DUSP8: variants seen among roughly 807,000 people sequenced by gnomAD.
DUSP8 encodes dual specificity protein phosphatase 8.
DUSP8 carries 15 observed loss-of-function variants against 38.7 expected under a neutral mutation model. That is an observed-to-expected ratio of 0.39 (90% CI 0.26 to 0.60). The LOEUF (loss-of-function observed/expected upper bound fraction) is 0.60, where lower values mean the gene tolerates loss of function less well. Among genes scored for constraint, DUSP8 ranks in the 20% least tolerant of loss-of-function variants. DUSP8 has a pLI of 0.56. For missense variants in DUSP8, 768 were observed against 915.0 expected (o/e 0.84, Z 2.07); for synonymous variants, 458 against 433.9 (o/e 1.06, Z -0.69).
In DUSP8 at chr11:1,558,903, CCTT is replaced by C; in HGVS notation, c.520_522del (p.Lys174del). 6.2e-7 allele frequency: 1 copy of C among 1,610,576 alleles called. No individual in the cohort carries two copies. Among genetic ancestry groups the C allele is most frequent in the South Asian group, 1.1e-5 (1 of 90,904 alleles). On this transcript the variant is annotated inframe_deletion, in exon 4 of 7. Coordinates refer to ENST00000397374, the MANE Select transcript of DUSP8 (RefSeq NM_004420.3). The surrounding 1 kb of genome is among the most constrained non-coding windows in gnomAD (Gnocchi z 6.3). ...TGCACACACACCTTGTTTAGGACGTCCTTCTGCGAGCCCAGGTAGAGGTGAGGC... is the reference window on the plus strand; with the variant it reads ...TGCACACACACCTTGTTTAGGACGTCCTGCGAGCCCAGGTAGAGGTGAGGC...
intron 1 of DUSP8, chr11:1,571,334 C>G (rs1328853616): frequency 6.6e-6 from 1 of 152,286 alleles, no homozygotes; most frequent in Admixed American, 6.5e-5. Context: ...GCCGGCTGGG[C>G]ACCCCGGGAT....
intron 3 of DUSP8, among the ~76,000 whole-genome samples, chr11:1,562,623 G>T (rs1007831400): frequency 6.6e-6 from 1 of 151,870 alleles, no homozygotes; most frequent in African/African-American, 2.4e-5. Flanking sequence ...GCACATATGC[G>T]CACACACAGG....
In DUSP8 at chr11:1,557,043, T is replaced by G; in HGVS notation, c.1353A>C (p.Pro451=). The G allele has an allele frequency of 1.8e-6, 2 of 1,113,782 alleles. No homozygotes were observed. Among genetic ancestry groups the G allele is most frequent in the Non-Finnish European group, 2.2e-6 (2 of 913,502 alleles). The allele number at this position is 1,113,782 out of a possible 1,614,324, so 69.0% of individuals were successfully genotyped here. The change falls in exon 7 of 7, where the codon CCA becomes CCC. Residue 451 remains proline, a synonymous_variant. Transcript: ENST00000397374. This position sits in a 1 kb window ranked among gnomAD's most constrained non-coding sequence, Gnocchi z 9.9. The stretch of plus-strand genomic sequence containing the variant: ...GGGGCCGGGGCCGCCGGCGGGGCCG[T>G]GGGCGCGCCTCAGGCGCGGCGTCCG... ...DSPDAAPEAR[P]RPRRRPRPPA... is the part of the protein sequence containing the mutation.
Position 1,565,591 on chromosome 11 carries a change from G to C in DUSP8, c.231+5C>G, listed in dbSNP as rs377462030. 2.9e-5 allele frequency: 46 copies of C among 1,595,942 alleles called. No homozygotes were observed. The African/African-American group carries it at 5.8e-4, about 20-fold the overall frequency. On this transcript the variant is annotated splice_donor_5th_base_variant and intron_variant, in intron 2 of 6. Transcript: ENST00000397374. ...TGCATGCCTGGTGGGCAGTGGGCTG[G>C]GTACCTGGCTGCGTGCAGCCGGCTG... is the stretch of plus-strand genomic sequence containing the variant.
Position 1,555,094 on chromosome 11 carries a change from C to CT in DUSP8, c.*1423dup, listed in dbSNP as rs1848601555. On this transcript the variant is annotated 3_prime_UTR_variant, in exon 7 of 7. Transcript: ENST00000397374. The stretch of plus-strand genomic sequence containing the variant: ...GCCTCTCCGGCCAAGCCCCTGGCCT[C>CT]TTCCCACAGTGACTGGCCCCACTCC... 1.0e-6 allele frequency: 1 copy of CT among 987,220 alleles called. No homozygotes were observed. The highest frequency in any genetic ancestry group is 4.7e-5 in the South Asian group (1 of 21,350). The allele number at this position is 987,220 out of a possible 1,614,324, so 61.2% of individuals were successfully genotyped here. A position where few individuals can be genotyped will look rare whatever the true frequency, so the allele number is the denominator to read the frequency against.
Position 1,557,025 on chromosome 11 carries a change from G to A in DUSP8, c.1371C>T (p.Pro457=). 1 of 1,047,064 alleles carries A rather than the reference G, an allele frequency of 9.6e-7. No individual in the cohort carries two copies. Among genetic ancestry groups the A allele is most frequent in the Non-Finnish European group, 1.1e-6 (1 of 872,008 alleles). The allele number at this position is 1,047,064 out of a possible 1,614,324, so 64.9% of individuals were successfully genotyped here. The change falls in exon 7 of 7, where the codon CCC becomes CCT. Residue 457 remains proline, a synonymous_variant. Transcript: ENST00000397374. This position sits in a 1 kb window ranked among gnomAD's most constrained non-coding sequence, Gnocchi z 9.9. ...GCGCGGGGGAGCCGGCGGGGGGCCG[G>A]GGCCGCCGGCGGGGCCGTGGGCGCG... ...PEARPRPRRR[P]RPPAGSPARS... is the part of the protein sequence containing the mutation.
At chr11:1,563,084 A>C (rs1848747365) in intron 3 of DUSP8, among the ~76,000 whole-genome samples, 1 of 152,004 alleles carries the variant, frequency 6.6e-6, no homozygotes, top group African/African-American at 2.4e-5. Context: ...CCTGCACCCC[A>C]CAGTCCCCCA....
At chr11:1,568,602 TG>T (rs1190093931) in intron 1 of DUSP8, among the ~76,000 whole-genome samples, 1 of 151,956 alleles carries the variant, frequency 6.6e-6, no homozygotes, top group African/African-American at 2.4e-5. Context: ...CTCTGCAGAG[TG>T]GGCACGCGCC....
intron 3 of DUSP8, among the ~76,000 whole-genome samples, chr11:1,560,193 G>A (rs1381612794): frequency 6.6e-6 from 1 of 152,190 alleles, no homozygotes; most frequent in East Asian, 1.9e-4. Flanking sequence ...AGAGCCTGAG[G>A]CAGCTGGGCT....
Position 1,554,553 on chromosome 11 carries a change from G to T in DUSP8, c.*1965C>A, listed in dbSNP as rs1446653033. ...CCCCCTGCTGGCTGCTCACTTTGCG[G>T]TAACCAGTGCCTCAAGAGTGGGAGC... On this transcript the variant is annotated 3_prime_UTR_variant, in exon 7 of 7. Coordinates refer to ENST00000397374, the MANE Select transcript of DUSP8 (RefSeq NM_004420.3). 4 of 778,086 alleles carry T rather than the reference G, an allele frequency of 5.1e-6. No individual in the cohort carries two copies. In the African/African-American group the frequency reaches 5.6e-5, roughly 11 times the overall value. The allele number at this position is 778,086 out of a possible 1,614,324, so 48.2% of individuals were successfully genotyped here.
intron 1 of DUSP8, among the ~76,000 whole-genome samples, chr11:1,570,518 G>A (rs1848871621): frequency 6.6e-6 from 1 of 152,176 alleles, no homozygotes; most frequent in Non-Finnish European, 1.5e-5. Context: ...GAAGAGAAGG[G>A]TCCTGGAGCA....
intron 2 of DUSP8, 91 bp from the exon 3 acceptor site, chr11:1,564,080 G>A: frequency 7.4e-7 from 1 of 1,343,998 alleles, no homozygotes; most frequent in Non-Finnish European, 9.6e-7. Flanking sequence ...GGAATAGTAA[G>A]GGCATCAGAT....
Position 1,557,268 on chromosome 11 carries a change from G to T in DUSP8, c.1128C>A (p.Gly376=). Residue 376 remains glycine, a synonymous_variant, in exon 7 of 7, where the codon GGC becomes GGA. Transcript: ENST00000397374. This position sits in a 1 kb window ranked among gnomAD's most constrained non-coding sequence, Gnocchi z 9.9. ...GCAGGCGGTCCGAGGAGAGGTGCAG[G>T]CCGCGCAGGCCCTGCTGCAGTGCGC... ...ATSALQQGLR[G]LHLSSDRLQD... 1 of 1,487,502 alleles carries T rather than the reference G, an allele frequency of 6.7e-7. No individual in the cohort carries two copies. 92.1% of individuals were successfully genotyped at this position (1,487,502 alleles called of 1,614,324 possible).
At position 1,557,319 on chromosome 11, in the gene DUSP8, G is replaced by C. The variant is rs949214990; in HGVS notation, c.1077C>G (p.Pro359=). 1 of 1,494,278 alleles carries C rather than the reference G, an allele frequency of 6.7e-7. No homozygotes were observed. Among genetic ancestry groups the C allele is most frequent in the Non-Finnish European group, 8.8e-7 (1 of 1,133,502 alleles). 92.6% of individuals were successfully genotyped at this position (1,494,278 alleles called of 1,614,324 possible). A position where few individuals can be genotyped will look rare whatever the true frequency, so the allele number is the denominator to read the frequency against. The change falls in exon 7 of 7, where the codon CCC becomes CCG. Residue 359 remains proline, a synonymous_variant. Transcript: ENST00000397374. The surrounding 1 kb of genome is among the most constrained non-coding windows in gnomAD (Gnocchi z 9.9). The part of the protein sequence containing the change: ...EGGLSAGGEP[P]APPTPPATSA... Reference sequence around the variant, plus strand: ...TGGTCGCCGGGGGCGTGGGGGGCGCGGGGGGCTCCCCGCCCGCGCTCAGGC... The same window carrying C: ...TGGTCGCCGGGGGCGTGGGGGGCGCCGGGGGCTCCCCGCCCGCGCTCAGGC...
Position 1,570,545 on chromosome 11 carries a change from G to A in DUSP8, c.-109+1356C>T, listed in dbSNP as rs542553435. Among the ~76,000 whole-genome samples the A allele has an allele frequency of 1.4e-4, 22 of 152,266 alleles. No individual in the cohort carries two copies. In the South Asian group the frequency reaches 1.9e-3, roughly 13 times the overall value. On this transcript the variant is annotated intron_variant, in intron 1 of 6. Transcript: ENST00000397374. ...CCTGGAGCAGAGACTGACTCTAAGC[G>A]TCTTTCTGCACCTCTGTTAATGGGA...
In DUSP8 at chr11:1,555,456, G is replaced by C. The variant is rs1465348688; in HGVS notation, c.*1062C>G. On this transcript the variant is annotated 3_prime_UTR_variant, in exon 7 of 7. Transcript: ENST00000397374. ...CCCCTCAGCCTGCAGGTGCACACCTGAATTCCAAGTTCTGCCTGGGGCATG... is the reference window on the plus strand; with the variant it reads ...CCCCTCAGCCTGCAGGTGCACACCTCAATTCCAAGTTCTGCCTGGGGCATG... 2 of 983,734 alleles carry C rather than the reference G, an allele frequency of 2.0e-6. No homozygotes were observed. Among genetic ancestry groups the C allele is most frequent in the Non-Finnish European group, 2.4e-6 (2 of 827,952 alleles). The allele number at this position is 983,734 out of a possible 1,614,324, so 60.9% of individuals were successfully genotyped here.
In DUSP8 at chr11:1,557,138, G is replaced by A. The variant is rs772439982; in HGVS notation, c.1258C>T (p.Pro420Ser). The A allele has an allele frequency of 4.9e-6, 7 of 1,423,058 alleles. No homozygotes were observed. In the South Asian group the frequency reaches 5.8e-5, roughly 12 times the overall value. The allele number at this position is 1,423,058 out of a possible 1,614,324, so 88.2% of individuals were successfully genotyped here. The change falls in exon 7 of 7, where the codon CCG (proline) becomes TCG (serine). Residue 420 changes from proline (P) to serine (S), a missense_variant. Coordinates refer to ENST00000397374, the MANE Select transcript of DUSP8 (RefSeq NM_004420.3). The surrounding 1 kb of genome is among the most constrained non-coding windows in gnomAD (Gnocchi z 9.9). ...GPGPPDPGEAPKLCKLDSPSG... is the reference protein window; with the variant it reads ...GPGPPDPGEASKLCKLDSPSG... ...GGGCTGTCCAGCTTGCAGAGCTTCGGGGCCTCGCCGGGGTCGGGGGGCCCG... is the reference window on the plus strand; with the variant it reads ...GGGCTGTCCAGCTTGCAGAGCTTCGAGGCCTCGCCGGGGTCGGGGGGCCCG...
rs752837772 is a variant in DUSP8, at chr11:1,565,708, C to T, written c.119G>A (p.Ser40Asn). 6.2e-7 allele frequency: 1 copy of T among 1,612,030 alleles called. No homozygotes were observed. The highest frequency in any genetic ancestry group is 1.3e-5 in the African/African-American group (1 of 75,032). Reference protein sequence around the residue: ...IDSRSFVEYNSWHVLSSVNIC... With the variant: ...IDSRSFVEYNNWHVLSSVNIC... ...GTTGACGGAGCTGAGCACATGCCAG[C>T]TGTTGTACTCCACGAAGGAGCGGCT... is the stretch of plus-strand genomic sequence containing the variant. The change falls in exon 2 of 7, where the codon AGC becomes AAC. Residue 40 changes from serine to asparagine, a missense_variant. Ser to Asn is a conservative substitution (Grantham distance 46). Around this residue, in one of 3 missense-constraint regions of DUSP8, gnomAD observed 252 missense variants for 410.4 expected, o/e 0.61. Transcript: ENST00000397374.
chr11:1,562,901 C>A (rs1207048588), intron 3 of DUSP8, among the ~76,000 whole-genome samples: 1 of 152,188 alleles, frequency 6.6e-6, no homozygotes, highest in African/African-American at 2.4e-5. Context: ...ACCCTCAAGC[C>A]TCCCAGGTGC....
Sources: allele counts gnomAD v4.1 joint callset (sites outside exome capture counted in the v4.1 genomes callset), GRCh38; gene constraint gnomAD v4.1.1; regional missense constraint gnomAD v4.1.1; non-coding constraint Gnocchi (gnomAD v3.1); transcripts MANE v1.5; gene names NCBI Gene and HGNC (gene_info 2026-07-23, HGNC 2026-07-21).